CCDC83: variants seen among roughly 807,000 people sequenced by gnomAD.
CCDC83 encodes the protein coiled-coil domain containing 83.
CCDC83 carries 54 observed loss-of-function variants against 50.1 expected under a neutral mutation model. The observed-to-expected ratio is 1.08, with a 90% confidence interval of 0.87 to 1.35. The LOEUF is 1.35. Among genes scored for constraint, CCDC83 ranks in the 40% most tolerant of loss-of-function variants. The pLI, the probability that CCDC83 is intolerant of heterozygous loss-of-function variation, is 0.00. For missense variants in CCDC83, 518 were observed against 473.9 expected (o/e 1.09, Z -0.86); for synonymous variants, 161 against 153.3 (o/e 1.05, Z -0.37).
At position 85,911,475 on chromosome 11, in the gene CCDC83, CA is replaced by C. The variant is rs140532988; in HGVS notation, c.794+80del. 12 of 1,231,266 alleles carry C rather than the reference CA, an allele frequency of 9.7e-6. 1 individual carries two copies. The highest frequency in any genetic ancestry group is 1.3e-5 in the Non-Finnish European group (12 of 903,000). The allele number at this position is 1,231,266 out of a possible 1,614,324, so 76.3% of individuals were successfully genotyped here. Reference sequence around the variant, plus strand: ...GCTGTAAAAAGTTGTTTTTTTAAAACAAAAAAAGATGATTTAATTATTCAGT... The same window carrying C: ...GCTGTAAAAAGTTGTTTTTTTAAAACAAAAAAGATGATTTAATTATTCAGT... On this transcript the variant is annotated intron_variant, in intron 8 of 10. Coordinates refer to ENST00000342404, the MANE Select transcript of CCDC83 (RefSeq NM_001286159.2).
At chr11:85,917,166 G>GAGAGAAAGAAAGAAAGAAAGAA (rs756949334) in intron 10 of CCDC83, among the ~76,000 whole-genome samples, 4 of 62,414 alleles carry the variant, frequency 6.4e-5, no homozygotes, top group East Asian at 3.6e-4. Context: ...GAGAGAGAGA[G>GAGAGAAAGAAAGAAAGAAAGAA]AGAAAGAAAG....
intron 1 of CCDC83, among the ~76,000 whole-genome samples, chr11:85,862,177 GTAAA>G (rs752208991): frequency 7.9e-5 from 12 of 152,038 alleles, no homozygotes; most frequent in South Asian, 2.1e-4. Flanking sequence ...TCCATTTTTA[GTAAA>G]TAAACTTCTG....
At chr11:85,877,882 A>G (rs1326120046) in intron 3 of CCDC83, among the ~76,000 whole-genome samples, 1 of 152,214 alleles carries the variant, frequency 6.6e-6, no homozygotes, top group Non-Finnish European at 1.5e-5. Context: ...AAAAAGTAGT[A>G]GCAGAGCAAT....
Position 85,886,269 on chromosome 11 carries a change from AGGAG to A in CCDC83, c.414_417del (p.Glu138AspfsTer5). On this transcript the variant is annotated frameshift_variant, in exon 5 of 11. Transcript: ENST00000342404. LOFTEE classifies it high-confidence loss of function. Reference sequence around the variant, plus strand: ...AAACTCAGTGAAAAGGAATATTGGGAGGAGTACAAGAATGTAGGGAGTGAACGAC... The same window carrying A: ...AAACTCAGTGAAAAGGAATATTGGGATACAAGAATGTAGGGAGTGAACGAC... 1 of 1,608,926 alleles carries A rather than the reference AGGAG, an allele frequency of 6.2e-7. No individual in the cohort carries two copies. Among genetic ancestry groups the A allele is most frequent in the Admixed American group, 1.7e-5 (1 of 58,598 alleles).
intron 6 of CCDC83, among the ~76,000 whole-genome samples, chr11:85,896,277 A>T (rs112232987): frequency 0.011 from 1,710 of 151,900 alleles, 16 homozygotes; most frequent in African/African-American, 0.038. Flanking sequence ...GTCCCAGCTC[A>T]GTAGTGCCAG....
In CCDC83 at chr11:85,919,655, A is replaced by G; in HGVS notation, c.*145A>G. On this transcript the variant is annotated 3_prime_UTR_variant, in exon 11 of 11. Coordinates refer to ENST00000342404, the MANE Select transcript of CCDC83 (RefSeq NM_001286159.2). The stretch of plus-strand genomic sequence containing the variant: ...AAGGTCATATTTACATTTAAAATCA[A>G]AGGTATTCAGCTATTCATTTACTTG... 1.5e-6 allele frequency: 1 copy of G among 658,428 alleles called. No individual in the cohort carries two copies. The allele number at this position is 658,428 out of a possible 1,614,324, so 40.8% of individuals were successfully genotyped here.
intron 5 of CCDC83, among the ~76,000 whole-genome samples, chr11:85,887,968 A>G (rs1176259607): frequency 6.6e-6 from 1 of 151,900 alleles, no homozygotes; most frequent in Non-Finnish European, 1.5e-5. Flanking sequence ...ATACCTAGCT[A>G]ATTTTATTTA....
At chr11:85,892,105 A>C (rs1018800415) in intron 5 of CCDC83, among the ~76,000 whole-genome samples, 1 of 152,190 alleles carries the variant, frequency 6.6e-6, no homozygotes, top group African/African-American at 2.4e-5. Flanking sequence ...GTATATAATA[A>C]AGCTCTCAAC....
chr11:85,919,519 G>T lies in CCDC83; in HGVS notation c.*9G>T. 6.3e-7 allele frequency: 1 copy of T among 1,596,360 alleles called. No individual in the cohort carries two copies. The highest frequency in any genetic ancestry group is 8.5e-7 in the Non-Finnish European group (1 of 1,171,398). ...TGAAGTCTTTTCTCTAAGACGGAAA[G>T]CTGCAAAGGAAACACAACTTTTCCT... On this transcript the variant is annotated 3_prime_UTR_variant, in exon 11 of 11. Coordinates refer to ENST00000342404, the MANE Select transcript of CCDC83 (RefSeq NM_001286159.2).
rs191696514 is a variant in CCDC83 at position 85,880,662 on chromosome 11, C to T, written c.181-1851C>T. On this transcript the variant is annotated intron_variant, in intron 3 of 10. Coordinates refer to ENST00000342404, the MANE Select transcript of CCDC83 (RefSeq NM_001286159.2). The stretch of plus-strand genomic sequence containing the variant: ...GTTTTGTTAGATATTTTCACTGGGT[C>T]TAGCATTCTAGATGGACAGTTCTTT... Among the ~76,000 whole-genome samples the T allele has an allele frequency of 3.3e-5, 5 of 151,844 alleles. No homozygotes were observed. In the East Asian group the frequency reaches 9.6e-4, roughly 29 times the overall value.
In CCDC83 at chr11:85,882,557, A is replaced by G; in HGVS notation, c.225A>G (p.Leu75=). The G allele has an allele frequency of 1.2e-6, 2 of 1,614,036 alleles. No individual in the cohort carries two copies. The highest frequency in any genetic ancestry group is 2.2e-5 in the South Asian group (2 of 91,080). The part of the protein sequence containing the change: ...KEEQIWHIRH[L]LKELSEEKAE... The stretch of plus-strand genomic sequence containing the variant: ...AACAGATTTGGCACATACGGCATCT[A>G]CTAAAGGAACTGAGTGAAGAGAAGG... The change falls in exon 4 of 11, where the codon CTA becomes CTG. Residue 75 remains leucine, a synonymous_variant. Transcript: ENST00000342404.
Position 85,911,334 on chromosome 11 carries a change from G to A in CCDC83, c.726G>A (p.Leu242=), listed in dbSNP as rs537726488. The A allele has an allele frequency of 5.0e-6, 8 of 1,611,332 alleles. No homozygotes were observed. In the African/African-American group the frequency reaches 1.1e-4, roughly 22 times the overall value. The change falls in exon 8 of 11, where the codon CTG becomes CTA. Residue 242 remains leucine, a synonymous_variant. Transcript: ENST00000342404. ...VEELKNAIHE[L]EAENLVLIDQ... ...AATTAAAAAATGCTATTCATGAACT[G>A]GAAGCAGAAAATTTGGTGCTTATTG...
chr11:85,899,382 A>C (rs1316773366), intron 7 of CCDC83, among the ~76,000 whole-genome samples: 1 of 152,194 alleles, frequency 6.6e-6, no homozygotes, highest in Non-Finnish European at 1.5e-5. Flanking sequence ...CTTTTGAATG[A>C]CATGTTCTCC....
intron 5 of CCDC83, among the ~76,000 whole-genome samples, chr11:85,894,907 C>G (rs2093365716): frequency 6.6e-6 from 1 of 152,128 alleles, no homozygotes; most frequent in African/African-American, 2.4e-5. Context: ...TTTTATGATT[C>G]TTTGCTCTCT....
chr11:85,896,829 T>G (rs2093378069), intron 6 of CCDC83, among the ~76,000 whole-genome samples: 1 of 151,986 alleles, frequency 6.6e-6, no homozygotes, highest in Non-Finnish European at 1.5e-5. Flanking sequence ...AGGTCCCCAC[T>G]AAGATTGTCT....
chr11:85,897,393 C>T (rs1203385650), intron 6 of CCDC83, among the ~76,000 whole-genome samples: 1 of 152,192 alleles, frequency 6.6e-6, no homozygotes, highest in East Asian at 1.9e-4. Flanking sequence ...CACATAATGT[C>T]GAACACTCAC....
chr11:85,870,476 T>G (rs546519134), intron 2 of CCDC83, among the ~76,000 whole-genome samples: 21 of 152,370 alleles, frequency 1.4e-4, no homozygotes, highest in African/African-American at 4.3e-4. Context: ...AATACTTTTT[T>G]TTTAATCTCC....
chr11:85,903,748 G>A (rs1325682492), intron 7 of CCDC83, among the ~76,000 whole-genome samples: 2 of 152,042 alleles, frequency 1.3e-5, no homozygotes, highest in Admixed American at 6.6e-5. Context: ...TCTTTCAATT[G>A]TGTCTTACCT....
In CCDC83 at chr11:85,915,523, G is replaced by C. The variant is rs370650085; in HGVS notation, c.874+25G>C. The C allele has an allele frequency of 7.5e-4, 1,148 of 1,527,014 alleles. 1 individual carries two copies. Among genetic ancestry groups the C allele is most frequent in the Non-Finnish European group, 9.5e-4 (1,062 of 1,116,052 alleles). The allele number at this position is 1,527,014 out of a possible 1,614,324, so 94.6% of individuals were successfully genotyped here. A position where few individuals can be genotyped will look rare whatever the true frequency, so the allele number is the denominator to read the frequency against. The stretch of plus-strand genomic sequence containing the variant: ...GGTATTACTTTATTGCAATAATGAT[G>C]ATGATTTTTTTCAAACTCTTGTTTT... On this transcript the variant is annotated intron_variant, in intron 9 of 10. Coordinates refer to ENST00000342404, the MANE Select transcript of CCDC83 (RefSeq NM_001286159.2).
Sources: allele counts gnomAD v4.1 joint callset (sites outside exome capture counted in the v4.1 genomes callset), GRCh38; gene constraint gnomAD v4.1.1; transcripts MANE v1.5; gene names NCBI Gene and HGNC (gene_info 2026-07-23, HGNC 2026-07-21).